The following CNTN6 variants were observed in gnomAD, a reference collection of about 807,000 sequenced individuals.
CNTN6 encodes contactin-6.
Under a neutral mutation model 122.8 loss-of-function variants are expected in CNTN6, and 137 were observed. The ratio of observed to expected loss-of-function variants is 1.12; its 90% CI spans 0.97 to 1.29. The LOEUF (loss-of-function observed/expected upper bound fraction) is 1.29. CNTN6 is among the 50% of genes most tolerant of loss of function. CNTN6 has a pLI of 0.00. For synonymous variants in CNTN6, 570 were observed against 426.0 expected (o/e 1.34, Z -4.16); for missense variants, 1,634 against 1,223.4 (o/e 1.34, Z -5.01).
In CNTN6 at chr3:1,388,253, C is replaced by T. The variant is rs544967955; in HGVS notation, c.2704+2456C>T. Among the ~76,000 whole-genome samples, 358 of 148,542 alleles carry T rather than the reference C, an allele frequency of 2.4e-3. 4 individuals carry two copies. Among genetic ancestry groups the T allele is most frequent in the African/African-American group, 6.6e-3 (264 of 40,226 alleles). ...CTGCCTCCTCAAGTGGGTCCCTGAC[C>T]CCTGACCCCCGAGCAGCCTAACTGG... On this transcript the variant is annotated intron_variant, in intron 20 of 22. Coordinates refer to ENST00000446702, the MANE Select transcript of CNTN6 (RefSeq NM_001289080.2).
chr3:1,378,154 G>T (rs1710154494), intron 17 of CNTN6, among the ~76,000 whole-genome samples: 3 of 152,072 alleles, frequency 2.0e-5, no homozygotes, highest in Admixed American at 1.3e-4. Flanking sequence ...ACTTGCATGG[G>T]TTTCACATTT....
intron 4 of CNTN6, among the ~76,000 whole-genome samples, chr3:1,252,927 C>T (rs532830460): frequency 6.6e-6 from 1 of 152,126 alleles, no homozygotes; most frequent in African/African-American, 2.4e-5. Context: ...ATTTCCTTAA[C>T]GAAGACTCCC....
At chr3:1,187,476 G>C (rs1394532126) in intron 2 of CNTN6, among the ~76,000 whole-genome samples, 1 of 152,094 alleles carries the variant, frequency 6.6e-6, no homozygotes, top group Non-Finnish European at 1.5e-5. Flanking sequence ...AGGCTACAAA[G>C]GCTTCATTTC....
intron 4 of CNTN6, among the ~76,000 whole-genome samples, chr3:1,272,352 C>T (rs1039937914): frequency 1.3e-5 from 2 of 152,158 alleles, no homozygotes; most frequent in African/African-American, 4.8e-5. Context: ...TCCTCCTTCG[C>T]TAAATGAAAG....
intron 4 of CNTN6, among the ~76,000 whole-genome samples, chr3:1,241,989 C>G (rs958789057): frequency 6.6e-6 from 1 of 152,190 alleles, no homozygotes; most frequent in Admixed American, 6.5e-5. Flanking sequence ...GAATTCCGAC[C>G]ATGCTAACCA....
intron 2 of CNTN6, among the ~76,000 whole-genome samples, chr3:1,220,464 C>G (rs1575293077): frequency 6.6e-6 from 1 of 151,824 alleles, no homozygotes; most frequent in Admixed American, 6.6e-5. Context: ...GGGTGTTATG[C>G]CCTTTGTTTG....
At chr3:1,260,427 C>T (rs1174141905) in intron 4 of CNTN6, among the ~76,000 whole-genome samples, 1 of 151,998 alleles carries the variant, frequency 6.6e-6, no homozygotes, top group African/African-American at 2.4e-5. Flanking sequence ...AGATTCAGGG[C>T]AGATGTTTGA....
At chr3:1,124,276 A>T (rs1321616787) in intron 1 of CNTN6, among the ~76,000 whole-genome samples, 1 of 151,856 alleles carries the variant, frequency 6.6e-6, no homozygotes. Context: ...ACCCAGATTG[A>T]GAAACCCTGA....
chr3:1,124,019 A>G (rs1220837159), intron 1 of CNTN6, among the ~76,000 whole-genome samples: 1 of 151,948 alleles, frequency 6.6e-6, no homozygotes, highest in Non-Finnish European at 1.5e-5. Flanking sequence ...AACCACCCCT[A>G]CATTCCTGGG....
At chr3:1,384,772 C>T (rs9815372) in intron 19 of CNTN6, among the ~76,000 whole-genome samples, 30 of 120,928 alleles carry the variant, frequency 2.5e-4, no homozygotes, top group East Asian at 6.9e-4. Context: ...TATATATACA[C>T]ATATATATAT....
intron 1 of CNTN6, among the ~76,000 whole-genome samples, chr3:1,110,277 A>G (rs2091419178): frequency 1.3e-5 from 2 of 152,148 alleles, no homozygotes; most frequent in Admixed American, 1.3e-4. Flanking sequence ...ACTTTAAAAC[A>G]TATCCAACTC....
At chr3:1,303,678 A>G (rs1697824856) in intron 7 of CNTN6, among the ~76,000 whole-genome samples, 1 of 152,024 alleles carries the variant, frequency 6.6e-6, no homozygotes, top group Non-Finnish European at 1.5e-5. Flanking sequence ...TTTTTCTCCT[A>G]GTCACAGTTC....
chr3:1,135,185 C>G (rs2092440337), intron 1 of CNTN6, among the ~76,000 whole-genome samples: 1 of 144,308 alleles, frequency 6.9e-6, no homozygotes, highest in South Asian at 2.2e-4. Flanking sequence ...ATGAATAATG[C>G]ATTTTCTCAC....
chr3:1,354,835 A>G (rs1706291691), intron 12 of CNTN6, among the ~76,000 whole-genome samples: 1 of 151,566 alleles, frequency 6.6e-6, no homozygotes, highest in African/African-American at 2.4e-5. Context: ...GAAAAAAACC[A>G]ACCTTTTTAC....
intron 20 of CNTN6, among the ~76,000 whole-genome samples, chr3:1,387,896 G>A (rs139026403): frequency 0.02 from 3,050 of 152,204 alleles, 92 homozygotes; most frequent in African/African-American, 0.067. Context: ...TCCTGCACCC[G>A]GCTCGGAGGG....
chr3:1,181,965 C>T (rs1337089923), intron 2 of CNTN6, among the ~76,000 whole-genome samples: 1 of 152,086 alleles, frequency 6.6e-6, no homozygotes, highest in African/African-American at 2.4e-5. Context: ...CTGCCAAACC[C>T]CTATCCTCAT....
chr3:1,142,816 C>T lies in CNTN6; in HGVS notation c.-82-5111C>T, dbSNP rs571083894. 8.6e-5 allele frequency among the ~76,000 whole-genome samples: 13 copies of T among 151,760 alleles called. No homozygotes were observed. The South Asian group carries it at 2.7e-3, about 32-fold the overall frequency. ...ATGGTTTCCTGACCCTTGTTTTAGC[C>T]TTTAGAAAGGCAATGGGGTACGAAT... is the stretch of plus-strand genomic sequence containing the variant. On this transcript the variant is annotated intron_variant, in intron 1 of 22. Coordinates refer to ENST00000446702, the MANE Select transcript of CNTN6 (RefSeq NM_001289080.2).
intron 3 of CNTN6, among the ~76,000 whole-genome samples, chr3:1,225,698 T>TG (rs769871802): frequency 2.0e-5 from 2 of 99,392 alleles, no homozygotes; most frequent in African/African-American, 1.6e-4. Flanking sequence ...GTTTTATTAT[T>TG]GTTTTTTTTT....
intron 4 of CNTN6, 43 bp downstream of exon 4, chr3:1,228,036 T>A (rs1279550710): frequency 6.4e-7 from 1 of 1,569,210 alleles, no homozygotes. Flanking sequence ...TCTGAAAATA[T>A]AATATTCTTC....
Sources: allele counts gnomAD v4.1 joint callset (sites outside exome capture counted in the v4.1 genomes callset), GRCh38; gene constraint gnomAD v4.1.1; transcripts MANE v1.5; gene names NCBI Gene and HGNC (gene_info 2026-07-23, HGNC 2026-07-21).